RBM15: variants seen among roughly 807,000 people sequenced by gnomAD.
RBM15 encodes the protein RNA binding motif protein 15.
RBM15 carries 8 observed loss-of-function variants against 62.6 expected under a neutral mutation model. The ratio of observed to expected loss-of-function variants is 0.13; its 90% CI spans 0.07 to 0.23. The LOEUF is 0.23. Among genes scored for constraint, RBM15 ranks in the 10% least tolerant of loss-of-function variants. The pLI, the probability that RBM15 is intolerant of heterozygous loss-of-function variation, is 1.00. For missense variants in RBM15, 1,144 were observed against 1,286.5 expected (o/e 0.89, Z 1.69); for synonymous variants, 606 against 505.7 (o/e 1.20, Z -2.66).
In RBM15 at chr1:110,345,552, G is replaced by C. The variant is rs376646274; in HGVS notation, c.2877G>C (p.Gln959His). ...VMIIVRGFGF[Q>H]IGVRYENKKR... is the part of the protein sequence containing the mutation. ...TCTCTCTCACAGGGTTTGGTTTTCA[G>C]ATAGGAGTTAGGTATGAGAACAAGA... The change falls in exon 2 of 3, where the codon CAG (glutamine) becomes CAC (histidine). Residue 959 changes from glutamine (Q) to histidine (H), a missense_variant. By Grantham distance (24) the Gln-to-His change is conservative. Transcript: ENST00000369784. 63 of 1,609,976 alleles carry C rather than the reference G, an allele frequency of 3.9e-5. No homozygotes were observed. The African/African-American group carries it at 7.2e-4, about 19-fold the overall frequency.
intron 1 of RBM15, among the ~76,000 whole-genome samples, chr1:110,344,935 T>A (rs1660870505): frequency 6.6e-6 from 1 of 152,192 alleles, no homozygotes; most frequent in African/African-American, 2.4e-5. Context: ...AAGATAAGAC[T>A]TTTAGATCAC....
chr1:110,339,480 G>A lies in RBM15; in HGVS notation c.75G>A (p.Thr25=), dbSNP rs754063032. 5.7e-6 allele frequency: 9 copies of A among 1,571,784 alleles called. No individual in the cohort carries two copies. The highest frequency in any genetic ancestry group is 1.2e-5 in the South Asian group (1 of 85,702). ...GGCGTGCGGTTCCGCTGTGTGAAACGAGCGCGGGGCGGCGGGTTACTCAGC... is the reference window on the plus strand; with the variant it reads ...GGCGTGCGGTTCCGCTGTGTGAAACAAGCGCGGGGCGGCGGGTTACTCAGC... ...RWRRAVPLCE[T]SAGRRVTQLR... The change falls in exon 1 of 3, where the codon ACG becomes ACA. Residue 25 remains threonine, a synonymous_variant. Coordinates refer to ENST00000369784, the MANE Select transcript of RBM15 (RefSeq NM_022768.5).
In RBM15 at chr1:110,345,595, C is replaced by T; in HGVS notation, c.2920C>T (p.Leu974=). The T allele has an allele frequency of 6.2e-7, 1 of 1,611,986 alleles. No homozygotes were observed. The highest frequency in any genetic ancestry group is 8.5e-7 in the Non-Finnish European group (1 of 1,179,054). Reference sequence around the variant, plus strand: ...GAACAAGAAGAGAGAAAACTTGGCGCTGACCCTGTTATAGTGGTTATAGTG... The same window carrying T: ...GAACAAGAAGAGAGAAAACTTGGCGTTGACCCTGTTATAGTGGTTATAGTG... ...YENKKRENLA[L]TLL Residue 974 remains leucine, a synonymous_variant, in exon 2 of 3, where the codon CTG becomes TTG. Coordinates refer to ENST00000369784, the MANE Select transcript of RBM15 (RefSeq NM_022768.5).
chr1:110,341,499 G>T lies in RBM15; in HGVS notation c.2094G>T (p.Arg698Ser). ...NDRSSRLLLERPSPIRDRRGS... is the reference protein window; with the variant it reads ...NDRSSRLLLESPSPIRDRRGS... Reference sequence around the variant, plus strand: ...GATCTTCCCGTCTTCTCTTGGAAAGGCCCTCTCCAATCAGAGACAGACGAG... The same window carrying T: ...GATCTTCCCGTCTTCTCTTGGAAAGTCCCTCTCCAATCAGAGACAGACGAG... Residue 698 changes from arginine (R) to serine (S), a missense_variant, in exon 1 of 3, where the codon AGG becomes AGT. By Grantham distance (110) the Arg-to-Ser change is moderately radical (BLOSUM62 -1). Transcript: ENST00000369784. The surrounding 1 kb of genome is among the most constrained non-coding windows in gnomAD (Gnocchi z 4.5). 6.2e-7 allele frequency: 1 copy of T among 1,614,024 alleles called. No homozygotes were observed. Among genetic ancestry groups the T allele is most frequent in the Non-Finnish European group, 8.5e-7 (1 of 1,180,012 alleles).
chr1:110,345,495 T>G, intron 1 of RBM15, 44 bp from the exon 2 acceptor site: 1 of 1,401,136 alleles, frequency 7.1e-7, no homozygotes, highest in Non-Finnish European at 1.0e-6. Flanking sequence ...GAAAAAAATT[T>G]TGGAGAGAAT....
Position 110,341,374 on chromosome 1 carries a change from C to G in RBM15, c.1969C>G (p.Pro657Ala). The G allele has an allele frequency of 6.2e-7, 1 of 1,614,084 alleles. No homozygotes were observed. The highest frequency in any genetic ancestry group is 8.5e-7 in the Non-Finnish European group (1 of 1,179,978). ...TGGAGGACGTCATCTGGATAGGTCT[C>G]CTGAGAGTGACCGCCCACGAAAACG... Reference protein sequence around the residue: ...ESGGRHLDRSPESDRPRKRHC... With the variant: ...ESGGRHLDRSAESDRPRKRHC... The change falls in exon 1 of 3, where the codon CCT (proline) becomes GCT (alanine). Residue 657 changes from proline (P) to alanine (A), a missense_variant. Physicochemically the swap from Pro to Ala is conservative, Grantham distance 27 (BLOSUM62 -1). Coordinates refer to ENST00000369784, the MANE Select transcript of RBM15 (RefSeq NM_022768.5). This position sits in a 1 kb window ranked among gnomAD's most constrained non-coding sequence, Gnocchi z 4.5.
In RBM15 at chr1:110,339,893, G is replaced by C; in HGVS notation, c.488G>C (p.Gly163Ala). The change falls in exon 1 of 3, where the codon GGC (glycine) becomes GCC (alanine). Residue 163 changes from glycine (G) to alanine (A), a missense_variant. Around this residue, in one of 8 missense-constraint regions of RBM15, gnomAD observed 298 missense variants for 250.0 expected, o/e 1.19. Coordinates refer to ENST00000369784, the MANE Select transcript of RBM15 (RefSeq NM_022768.5). ...GGGGCCGCCTCCTCAGCTCCCGGCG[G>C]CGGGGACGGCGCGGAATACAAGACT... ...SSGAASSAPGGGDGAEYKTLK... is the reference protein window; with the variant it reads ...SSGAASSAPGAGDGAEYKTLK... 1 of 1,605,036 alleles carries C rather than the reference G, an allele frequency of 6.2e-7. No individual in the cohort carries two copies. Among genetic ancestry groups the C allele is most frequent in the South Asian group, 1.1e-5 (1 of 90,940 alleles).
chr1:110,344,922 G>A (rs1375085928), intron 1 of RBM15, among the ~76,000 whole-genome samples: 1 of 152,120 alleles, frequency 6.6e-6, no homozygotes, highest in Admixed American at 6.6e-5. Context: ...TGGTAAAAAC[G>A]TGAAGATAAG....
chr1:110,343,517 G>GA (rs1660842778), intron 1 of RBM15, among the ~76,000 whole-genome samples: 2 of 119,562 alleles, frequency 1.7e-5, no homozygotes. Flanking sequence ...TAGCCTCACA[G>GA]TTTTTTTTTT....
In RBM15 at chr1:110,345,645, T is replaced by C; in HGVS notation, c.*36T>C. 6.4e-7 allele frequency: 1 copy of C among 1,550,932 alleles called. No homozygotes were observed. Among genetic ancestry groups the C allele is most frequent in the Non-Finnish European group, 8.7e-7 (1 of 1,147,398 alleles). On this transcript the variant is annotated 3_prime_UTR_variant, in exon 2 of 3. Transcript: ENST00000369784. ...GGTGTCCCTAAAGGGAGGAAATGAT[T>C]TCAGGTAACCACAGTGAAATGTTAA...
In RBM15 at chr1:110,339,572, A is replaced by C; in HGVS notation, c.167A>C (p.Lys56Thr). 1 of 1,605,364 alleles carries C rather than the reference A, an allele frequency of 6.2e-7. No individual in the cohort carries two copies. Among genetic ancestry groups the C allele is most frequent in the Non-Finnish European group, 8.5e-7 (1 of 1,173,390 alleles). Residue 56 changes from lysine to threonine, a missense_variant, in exon 1 of 3, where the codon AAA (lysine) becomes ACA (threonine). Lys to Thr is a moderately conservative substitution (Grantham distance 78, BLOSUM62 -1). Coordinates refer to ENST00000369784, the MANE Select transcript of RBM15 (RefSeq NM_022768.5). ...KGKERSPVKAKRSRGGEDSTS... is the reference protein window; with the variant it reads ...KGKERSPVKATRSRGGEDSTS... ...AAAGAGCGCTCGCCAGTGAAGGCCAAACGCTCCCGTGGTGGTGAGGACTCG... is the reference window on the plus strand; with the variant it reads ...AAAGAGCGCTCGCCAGTGAAGGCCACACGCTCCCGTGGTGGTGAGGACTCG...
In RBM15 at chr1:110,339,524, G is replaced by C; in HGVS notation, c.119G>C (p.Arg40Pro). ...ACTCAGCTCCGCGGAGACGACCTCCGACGACCCGCAACAATGAAGGGAAAA... is the reference window on the plus strand; with the variant it reads ...ACTCAGCTCCGCGGAGACGACCTCCCACGACCCGCAACAATGAAGGGAAAA... ...RVTQLRGDDL[R>P]RPATMKGKER... is the part of the protein sequence containing the mutation. The change falls in exon 1 of 3, where the codon CGA (arginine) becomes CCA (proline). Residue 40 changes from arginine (R) to proline (P), a missense_variant. This residue lies in a region of RBM15 where 298 missense variants were observed against 250.0 expected (regional missense o/e 1.19). Transcript: ENST00000369784. 6.2e-7 allele frequency: 1 copy of C among 1,601,452 alleles called. No individual in the cohort carries two copies. The highest frequency in any genetic ancestry group is 1.1e-5 in the South Asian group (1 of 90,416).
chr1:110,344,565 T>C (rs934671847), intron 1 of RBM15, among the ~76,000 whole-genome samples: 3 of 152,202 alleles, frequency 2.0e-5, no homozygotes, highest in Non-Finnish European at 4.4e-5. Context: ...CATTTCTAAA[T>C]GTATGTATTA....
In RBM15 at chr1:110,340,359, A is replaced by G. The variant is rs1570610916; in HGVS notation, c.954A>G (p.Pro318=). ...TGGCTCTTGGCCGCCTGCCCCCTCC[A>G]CCTCCGCCACCATTGCCTCGAGACC... ...QQLALGRLPP[P]PPPPLPRDLE... Residue 318 remains proline, a synonymous_variant, in exon 1 of 3, where the codon CCA becomes CCG. Transcript: ENST00000369784. The surrounding 1 kb of genome is among the most constrained non-coding windows in gnomAD (Gnocchi z 5.8). 3.7e-6 allele frequency: 6 copies of G among 1,613,776 alleles called. No individual in the cohort carries two copies. The highest frequency in any genetic ancestry group is 1.7e-4 in the Middle Eastern group (1 of 6,060).
At position 110,339,869 on chromosome 1, in the gene RBM15, G is replaced by T; in HGVS notation, c.464G>T (p.Gly155Val). The T allele has an allele frequency of 1.4e-5, 22 of 1,603,128 alleles. No homozygotes were observed. Among genetic ancestry groups the T allele is most frequent in the Non-Finnish European group, 1.9e-5 (22 of 1,171,914 alleles). The change falls in exon 1 of 3, where the codon GGG (glycine) becomes GTG (valine). Residue 155 changes from glycine (G) to valine (V), a missense_variant. Gly to Val is a moderately radical substitution (Grantham distance 109, BLOSUM62 -3). Coordinates refer to ENST00000369784, the MANE Select transcript of RBM15 (RefSeq NM_022768.5). ...GGAGGCGGGGAGTCACGTTCCTCTG[G>T]GGCCGCCTCCTCAGCTCCCGGCGGC... ...RGGGGESRSSGAASSAPGGGD... is the reference protein window; with the variant it reads ...RGGGGESRSSVAASSAPGGGD...
chr1:110,345,605 T>TA lies in RBM15; in HGVS notation c.2931dup (p.Ter978IlefsTer19). On this transcript the variant is annotated frameshift_variant, in exon 2 of 3. Transcript: ENST00000369784. LOFTEE classifies it high-confidence loss of function. ...AGAGAAAACTTGGCGCTGACCCTGT[T>TA]ATAGTGGTTATAGTGGTGTCCCTAA... 1 of 1,603,424 alleles carries TA rather than the reference T, an allele frequency of 6.2e-7. No homozygotes were observed. The highest frequency in any genetic ancestry group is 1.3e-5 in the African/African-American group (1 of 74,218).
rs1367855958 is a variant in RBM15 at position 110,341,628 on chromosome 1, C to T, written c.2223C>T (p.Ser741=). Residue 741 remains serine, a synonymous_variant, in exon 1 of 3, where the codon AGC becomes AGT. Coordinates refer to ENST00000369784, the MANE Select transcript of RBM15 (RefSeq NM_022768.5). The surrounding 1 kb of genome is among the most constrained non-coding windows in gnomAD (Gnocchi z 4.5). The part of the protein sequence containing the change: ...HRTTAPTEGK[S]PLKKEDRSDG... ...CAACTGCTCCCACTGAGGGAAAAAG[C>T]CCTCTGAAAAAAGAAGACCGCTCTG... The T allele has an allele frequency of 1.2e-6, 2 of 1,614,096 alleles. No individual in the cohort carries two copies. The highest frequency in any genetic ancestry group is 1.7e-6 in the Non-Finnish European group (2 of 1,180,018).
Position 110,340,542 on chromosome 1 carries a change from C to T in RBM15, c.1137C>T (p.Gly379=), listed in dbSNP as rs773494216. 6.2e-7 allele frequency: 1 copy of T among 1,614,180 alleles called. No homozygotes were observed. Among genetic ancestry groups the T allele is most frequent in the Admixed American group, 1.7e-5 (1 of 60,024 alleles). ...DQRANRTLFL[G]NLDITVTESD... is the part of the protein sequence containing the mutation. ...GAGCTAACCGGACGCTCTTCTTGGG[C>T]AACCTAGACATCACTGTAACGGAGA... The change falls in exon 1 of 3, where the codon GGC becomes GGT. Residue 379 remains glycine, a synonymous_variant. Transcript: ENST00000369784. The surrounding 1 kb of genome is among the most constrained non-coding windows in gnomAD (Gnocchi z 5.8).
chr1:110,346,033 A>ATG (rs954018518), intron 2 of RBM15, among the ~76,000 whole-genome samples: 48 of 152,268 alleles, frequency 3.2e-4, no homozygotes, highest in Non-Finnish European at 5.6e-4. Context: ...ACTCAGTTAC[A>ATG]TGAGTTAAAG....
Sources: allele counts gnomAD v4.1 joint callset (sites outside exome capture counted in the v4.1 genomes callset), GRCh38; gene constraint gnomAD v4.1.1; regional missense constraint gnomAD v4.1.1; non-coding constraint Gnocchi (gnomAD v3.1); transcripts MANE v1.5; gene names NCBI Gene and HGNC (gene_info 2026-07-23, HGNC 2026-07-21).